The following PCDH15 variants were observed in gnomAD, a reference collection of about 807,000 sequenced individuals.
PCDH15 encodes the protein protocadherin-15.
In PCDH15, 129 loss-of-function variants were observed where a neutral mutation model predicts 178.5. The observed-to-expected ratio is 0.72, with a 90% CI of 0.63 to 0.84. The LOEUF (loss-of-function observed/expected upper bound fraction) is 0.84. Ranked by LOEUF, PCDH15 falls within the 40% of genes least tolerant of loss-of-function variation. PCDH15 has a pLI of 0.00. For synonymous variants in PCDH15, 800 were observed against 732.0 expected, an observed-to-expected ratio of 1.09 and a Z score of -1.50; for missense variants, 2,230 against 2,099.9, an observed-to-expected ratio of 1.06 and a Z score of -1.21.
intron 2 of PCDH15, among the ~76,000 whole-genome samples, chr10:55,541,914 T>A (rs1841767690): frequency 6.6e-6 from 1 of 151,846 alleles, no homozygotes; most frequent in African/African-American, 2.4e-5. Flanking sequence ...GTTTCTACTT[T>A]AGGATGTCAA....
chr10:53,882,796 A>G lies in PCDH15; in HGVS notation c.3502-15939T>C, dbSNP rs1055333027. ...TGTTTTTCTTTTAAAATATTCCCAA[A>G]TCATTTACATCTAATTATTAATGTT... On this transcript the variant is annotated intron_variant, in intron 26 of 37. Transcript: ENST00000644397. 2.6e-5 allele frequency among the ~76,000 whole-genome samples: 4 copies of G among 152,202 alleles called. No individual in the cohort carries two copies. The South Asian group carries it at 8.3e-4, about 31-fold the overall frequency.
intron 2 of PCDH15, among the ~76,000 whole-genome samples, chr10:55,550,514 G>A (rs1184173512): frequency 2.6e-5 from 4 of 152,080 alleles, no homozygotes; most frequent in Admixed American, 6.6e-5. Context: ...GAAGGTCTGT[G>A]AAAAACAGCT....
intron 2 of PCDH15, among the ~76,000 whole-genome samples, chr10:54,560,048 G>T (rs1937390): frequency 2.0e-5 from 3 of 151,624 alleles, no homozygotes; most frequent in Admixed American, 2.0e-4. Context: ...CTTTAAAGGA[G>T]TTTAACATTG....
At chr10:55,432,541 C>T (rs1838908389) in intron 2 of PCDH15, among the ~76,000 whole-genome samples, 1 of 152,076 alleles carries the variant, frequency 6.6e-6, no homozygotes, top group Non-Finnish European at 1.5e-5. Flanking sequence ...ACAATAGTGA[C>T]TTGGGACCAA....
chr10:55,573,954 G>T (rs575955047), intron 2 of PCDH15, among the ~76,000 whole-genome samples: 2 of 151,826 alleles, frequency 1.3e-5, no homozygotes, highest in South Asian at 4.2e-4. Context: ...TGAAAAACAT[G>T]CTAGGTCATA....
At chr10:54,373,832 TTAG>T (rs1948033140) in intron 4 of PCDH15, among the ~76,000 whole-genome samples, 2 of 151,990 alleles carry the variant, frequency 1.3e-5, no homozygotes, top group South Asian at 4.1e-4. Flanking sequence ...AAGATATCTC[TTAG>T]TAGCACATAA....
intron 2 of PCDH15, among the ~76,000 whole-genome samples, chr10:55,074,569 G>GT (rs1841833677): frequency 1.3e-5 from 2 of 151,656 alleles, no homozygotes; most frequent in South Asian, 2.1e-4. Context: ...TGTTTATGGG[G>GT]GTTTTTTTGT....
At chr10:54,494,953 TG>T (rs2079975683) in intron 3 of PCDH15, among the ~76,000 whole-genome samples, 1 of 152,156 alleles carries the variant, frequency 6.6e-6, no homozygotes. Context: ...GACTTTAGCA[TG>T]GAGTTCATGC....
At chr10:55,140,856 G>T (rs1838334020) in intron 2 of PCDH15, among the ~76,000 whole-genome samples, 2 of 151,852 alleles carry the variant, frequency 1.3e-5, no homozygotes, top group Non-Finnish European at 2.9e-5. Context: ...TTTCATCTAG[G>T]TTGTCCTATT....
In PCDH15 at chr10:54,243,715, A is replaced by G. The variant is rs2055642806; in HGVS notation, c.877-6784T>C. Among the ~76,000 whole-genome samples, 5 of 152,278 alleles carry G rather than the reference A, an allele frequency of 3.3e-5. No homozygotes were observed. The South Asian group carries it at 1.0e-3, about 32-fold the overall frequency. On this transcript the variant is annotated intron_variant, in intron 8 of 37. Transcript: ENST00000644397. ...ATATGTTACCTTTAGAGGCCAAACA[A>G]CCATTTCTGTTTTCACTTTGCTTAG...
rs945089193 is a variant in PCDH15 at position 54,009,499 on chromosome 10, G to C, written c.2751+10693C>G. The stretch of plus-strand genomic sequence containing the variant: ...TCCAGGTCAAGTGTAAAAAAAGACA[G>C]CGAAAGAGGTGGGGGCCAAGAGAAC... On this transcript the variant is annotated intron_variant, in intron 20 of 37. Coordinates refer to ENST00000644397, the MANE Select transcript of PCDH15 (RefSeq NM_001384140.1). Among the ~76,000 whole-genome samples, 3 of 152,192 alleles carry C rather than the reference G, an allele frequency of 2.0e-5. No individual in the cohort carries two copies. The East Asian group carries it at 5.8e-4, about 29-fold the overall frequency.
At chr10:54,688,126 A>T (rs2095048908) in intron 1 of PCDH15, among the ~76,000 whole-genome samples, 1 of 152,192 alleles carries the variant, frequency 6.6e-6, no homozygotes, top group Non-Finnish European at 1.5e-5. Flanking sequence ...AGCTGTCCTC[A>T]ATTAAATTAA....
At chr10:55,208,002 T>C (rs1365071508) in intron 1 of PCDH15, among the ~76,000 whole-genome samples, 1 of 151,980 alleles carries the variant, frequency 6.6e-6, no homozygotes, top group Non-Finnish European at 1.5e-5. Context: ...AATTAATAGA[T>C]ACAGATATAT....
chr10:53,968,926 C>G (rs2089354212), intron 21 of PCDH15, among the ~76,000 whole-genome samples: 1 of 152,266 alleles, frequency 6.6e-6, no homozygotes, highest in African/African-American at 2.4e-5. Flanking sequence ...AGTTGAAATT[C>G]TAAAAATCAG....
chr10:53,925,049 G>C (rs980126785), intron 25 of PCDH15, among the ~76,000 whole-genome samples: 15 of 152,174 alleles, frequency 9.9e-5, no homozygotes, highest in African/African-American at 3.4e-4. Context: ...AGCAGGATGT[G>C]GGTGGGGCCA....
intron 23 of PCDH15, among the ~76,000 whole-genome samples, chr10:53,945,027 A>G (rs1461056646): frequency 6.6e-6 from 1 of 152,188 alleles, no homozygotes; most frequent in Non-Finnish European, 1.5e-5. Context: ...AATCACCTCA[A>G]CTAAAACTGA....
At chr10:54,526,775 A>G (rs1353074549) in intron 3 of PCDH15, among the ~76,000 whole-genome samples, 1 of 152,176 alleles carries the variant, frequency 6.6e-6, no homozygotes, top group Admixed American at 6.6e-5. Flanking sequence ...ATTTCACAGA[A>G]TGTGTGGGAA....
At position 54,587,068 on chromosome 10, in the gene PCDH15, A is replaced by G. The variant is rs180863396; in HGVS notation, c.92-59191T>C. 2.2e-4 allele frequency among the ~76,000 whole-genome samples: 33 copies of G among 152,334 alleles called. No homozygotes were observed. The East Asian group carries it at 5.4e-3, about 25-fold the overall frequency. On this transcript the variant is annotated intron_variant, in intron 2 of 37. Transcript: ENST00000644397. ...CAGTGTATTAACTGTAAGTAATTAC[A>G]TAAGTACAAATTTTGCTCCTTGCTC... is the stretch of plus-strand genomic sequence containing the variant.
At chr10:54,787,633 C>A (rs1951013737) in intron 1 of PCDH15, among the ~76,000 whole-genome samples, 1 of 151,920 alleles carries the variant, frequency 6.6e-6, no homozygotes, top group Non-Finnish European at 1.5e-5. Context: ...GACTTTTCAC[C>A]TTCCCTTCAT....
Sources: allele counts gnomAD v4.1 joint callset (sites outside exome capture counted in the v4.1 genomes callset), GRCh38; gene constraint gnomAD v4.1.1; transcripts MANE v1.5; gene names NCBI Gene and HGNC (gene_info 2026-07-23, HGNC 2026-07-21).